MVB12B: variants seen among roughly 807,000 people sequenced by gnomAD.
The protein encoded by MVB12B is ESCRT-I complex subunit MVB12B.
A neutral mutation model predicts 41.6 loss-of-function variants in MVB12B; 16 were observed. The ratio of observed to expected loss-of-function variants is 0.38; its 90% CI spans 0.26 to 0.58. The LOEUF (loss-of-function observed/expected upper bound fraction) is 0.58. Among genes scored for constraint, MVB12B ranks in the 20% least tolerant of loss-of-function variants. The probability of loss-of-function intolerance (pLI) is 0.62; values close to 1 mark genes in which losing one functional copy is unlikely to be tolerated. For synonymous variants in MVB12B, 133 were observed against 139.7 expected, an observed-to-expected ratio of 0.95 and a Z score of 0.34; for missense variants, 274 against 380.2, an observed-to-expected ratio of 0.72 and a Z score of 2.32.
chr9:126,378,696 T>G (rs1830554955), intron 2 of MVB12B, among the ~76,000 whole-genome samples: 1 of 151,998 alleles, frequency 6.6e-6, no homozygotes, highest in Non-Finnish European at 1.5e-5. Context: ...TCATGATGCC[T>G]TTACACACTT....
chr9:126,441,374 C>G (rs987369681), intron 7 of MVB12B, among the ~76,000 whole-genome samples: 1 of 152,156 alleles, frequency 6.6e-6, no homozygotes, highest in Admixed American at 6.6e-5. Context: ...TATCTGTGTA[C>G]TTTATAAGGG....
At chr9:126,334,196 G>A (rs982845399) in intron 1 of MVB12B, among the ~76,000 whole-genome samples, 1 of 152,170 alleles carries the variant, frequency 6.6e-6, no homozygotes, top group Non-Finnish European at 1.5e-5. Flanking sequence ...CTGTTCACGC[G>A]CCAGGCCCTC....
chr9:126,366,644 C>T (rs1283647441), intron 2 of MVB12B, among the ~76,000 whole-genome samples: 1 of 152,156 alleles, frequency 6.6e-6, no homozygotes, highest in Non-Finnish European at 1.5e-5. Flanking sequence ...TCCTAAAATG[C>T]TGCATTCCTT....
At chr9:126,358,086 A>G (rs1029049558) in intron 2 of MVB12B, among the ~76,000 whole-genome samples, 5 of 152,146 alleles carry the variant, frequency 3.3e-5, no homozygotes, top group Non-Finnish European at 7.4e-5. Flanking sequence ...TCTGTTCTTC[A>G]TTGAATTACT....
At chr9:126,427,687 A>G (rs1418074652) in intron 7 of MVB12B, among the ~76,000 whole-genome samples, 3 of 152,228 alleles carry the variant, frequency 2.0e-5, no homozygotes, top group Non-Finnish European at 4.4e-5. Flanking sequence ...TAATAAGACC[A>G]AAAAATCTCG....
intron 6 of MVB12B, among the ~76,000 whole-genome samples, chr9:126,408,626 G>A (rs13298216): frequency 0.066 from 10,086 of 151,996 alleles, 471 homozygotes; most frequent in South Asian, 0.13. Context: ...CCTCCTTTTC[G>A]GCTTCTCGGT....
At chr9:126,359,834 T>C (rs978037986) in intron 2 of MVB12B, among the ~76,000 whole-genome samples, 5 of 152,160 alleles carry the variant, frequency 3.3e-5, no homozygotes, top group African/African-American at 7.2e-5. Flanking sequence ...TTTAGTTCTT[T>C]CCATTTTATT....
intron 7 of MVB12B, among the ~76,000 whole-genome samples, chr9:126,428,382 A>G (rs1346307778): frequency 6.6e-6 from 1 of 152,144 alleles, no homozygotes; most frequent in Non-Finnish European, 1.5e-5. Flanking sequence ...TCATCTTATG[A>G]TGAAAAAAAT....
chr9:126,478,208 T>C lies in MVB12B; in HGVS notation c.758-3161T>C, dbSNP rs766375615. 3.3e-5 allele frequency among the ~76,000 whole-genome samples: 5 copies of C among 152,220 alleles called. No individual in the cohort carries two copies. The highest frequency in any genetic ancestry group is 7.3e-5 in the Non-Finnish European group (5 of 68,038). On this transcript the variant is annotated intron_variant, in intron 7 of 9. Transcript: ENST00000361171. This position sits in a 1 kb window ranked among gnomAD's most constrained non-coding sequence, Gnocchi z 4.2. ...TCCCTGCTTAGATCTTCCTAGTTCC[T>C]AGAAGTGATTCCCAGGCTTCTTCCA...
At chr9:126,461,087 C>CTA (rs1475328562) in intron 7 of MVB12B, among the ~76,000 whole-genome samples, 1 of 152,228 alleles carries the variant, frequency 6.6e-6, no homozygotes, top group Non-Finnish European at 1.5e-5. Context: ...GGTGGCAGAG[C>CTA]TATTCACAGG....
intron 7 of MVB12B, among the ~76,000 whole-genome samples, chr9:126,471,901 A>G (rs1054120211): frequency 1.3e-5 from 2 of 152,124 alleles, no homozygotes; most frequent in Admixed American, 6.5e-5. Flanking sequence ...TTGAGGTACT[A>G]TTACCCGAGT....
chr9:126,464,963 G>A (rs555404698), intron 7 of MVB12B, among the ~76,000 whole-genome samples: 17 of 152,270 alleles, frequency 1.1e-4, no homozygotes, highest in Non-Finnish European at 2.2e-4. Flanking sequence ...AGATGCTCTC[G>A]TGCCGGTATC....
At chr9:126,455,787 T>C (rs777087188) in intron 7 of MVB12B, among the ~76,000 whole-genome samples, 1 of 152,098 alleles carries the variant, frequency 6.6e-6, no homozygotes, top group Admixed American at 6.6e-5. Flanking sequence ...TAAGCCTGAC[T>C]GAAGTGGGTA....
intron 5 of MVB12B, among the ~76,000 whole-genome samples, chr9:126,393,973 G>T (rs1454366206): frequency 6.6e-6 from 1 of 152,222 alleles, no homozygotes; most frequent in African/African-American, 2.4e-5. Context: ...ATGAGCCCTC[G>T]TGGCATTTGC....
At chr9:126,374,820 A>T (rs544034132) in intron 2 of MVB12B, among the ~76,000 whole-genome samples, 1 of 152,378 alleles carries the variant, frequency 6.6e-6, no homozygotes, top group East Asian at 1.9e-4. Context: ...CAGCTTGCCT[A>T]AAAGAAATAA....
At chr9:126,425,189 C>T (rs1314598768) in intron 7 of MVB12B, among the ~76,000 whole-genome samples, 3 of 152,144 alleles carry the variant, frequency 2.0e-5, no homozygotes, top group Non-Finnish European at 1.5e-5. Context: ...GGGAAGATCC[C>T]TTGAGGCCAG....
intron 8 of MVB12B, among the ~76,000 whole-genome samples, chr9:126,483,710 C>T (rs1216970579): frequency 6.6e-6 from 1 of 152,198 alleles, no homozygotes; most frequent in Non-Finnish European, 1.5e-5. Context: ...CCCCTGGGTG[C>T]CACAGACCAC....
intron 6 of MVB12B, among the ~76,000 whole-genome samples, chr9:126,406,387 G>A (rs1831427376): frequency 6.6e-6 from 1 of 152,360 alleles, no homozygotes; most frequent in East Asian, 1.9e-4. Flanking sequence ...GCAGGGAGGA[G>A]ACAAGTGTTG....
chr9:126,375,179 C>T (rs1830444051), intron 2 of MVB12B, among the ~76,000 whole-genome samples: 1 of 152,124 alleles, frequency 6.6e-6, no homozygotes, highest in South Asian at 2.1e-4. Context: ...ACATAGATTA[C>T]AATGCAGACA....
Sources: allele counts gnomAD v4.1 joint callset (sites outside exome capture counted in the v4.1 genomes callset), GRCh38; gene constraint gnomAD v4.1.1; non-coding constraint Gnocchi (gnomAD v3.1); transcripts MANE v1.5; gene names NCBI Gene and HGNC (gene_info 2026-07-23, HGNC 2026-07-21).